The following PCNX2 variants were observed in gnomAD, a reference collection of about 807,000 sequenced individuals.
PCNX2 encodes the protein pecanex-like protein 2.
A neutral mutation model predicts 223.8 loss-of-function variants in PCNX2; 168 were observed. The observed-to-expected ratio is 0.75, with a 90% CI of 0.66 to 0.85. The LOEUF is 0.85. Ranked by LOEUF, PCNX2 falls within the 40% of genes least tolerant of loss-of-function variation. The pLI, the probability that PCNX2 is intolerant of heterozygous loss-of-function variation, is 0.00. For missense variants in PCNX2, 2,507 were observed against 2,675.5 expected, an observed-to-expected ratio of 0.94 and a Z score of 1.39; for synonymous variants, 1,006 against 1,052.6, an observed-to-expected ratio of 0.96 and a Z score of 0.86.
At position 232,999,371 on chromosome 1, in the gene PCNX2, T is replaced by A; in HGVS notation, c.5337A>T (p.Lys1779Asn). Residue 1779 changes from lysine to asparagine, a missense_variant, in exon 31 of 34, where the codon AAA (lysine) becomes AAT (asparagine). By Grantham distance (94) the Lys-to-Asn change is moderately conservative (BLOSUM62 0). Around this residue, in one of 3 missense-constraint regions of PCNX2, gnomAD observed 1,372 missense variants for 1,509.4 expected, o/e 0.91. Coordinates refer to ENST00000258229, the MANE Select transcript of PCNX2 (RefSeq NM_014801.4). The stretch of plus-strand genomic sequence containing the variant: ...CGGCCCAAAGTCCTCGGACGCATTC[T>A]TTGTTAACCTGCAGGTCAGAGAGGG... ...FLSFKVIKVNKECVRGLWAGQ... is the reference protein window; with the variant it reads ...FLSFKVIKVNNECVRGLWAGQ... 1 of 1,593,120 alleles carries A rather than the reference T, an allele frequency of 6.3e-7. No homozygotes were observed. The highest frequency in any genetic ancestry group is 8.5e-7 in the Non-Finnish European group (1 of 1,169,902).
chr1:233,196,428 C>T (rs200914238), intron 15 of PCNX2, among the ~76,000 whole-genome samples: 1 of 151,258 alleles, frequency 6.6e-6, no homozygotes, highest in East Asian at 1.9e-4. Flanking sequence ...AATGAGAAGA[C>T]AAGCCACAGC....
chr1:233,251,093 C>T (rs556254801), intron 7 of PCNX2, among the ~76,000 whole-genome samples: 1 of 152,172 alleles, frequency 6.6e-6, no homozygotes, highest in African/African-American at 2.4e-5. Flanking sequence ...GACTTGGTTA[C>T]TTATTATTTA....
chr1:233,080,044 T>C (rs1237712493), intron 23 of PCNX2, among the ~76,000 whole-genome samples: 1 of 152,140 alleles, frequency 6.6e-6, no homozygotes, highest in African/African-American at 2.4e-5. Context: ...CTAATGTAAG[T>C]CTTCCCAGAG....
the PCNX2 span, among the ~76,000 whole-genome samples, chr1:233,320,033 T>TCAACGTGTTGCAATATATTG: frequency 2.0e-5 from 3 of 152,200 alleles, no homozygotes. Flanking sequence ...GTTTCTGCAT[T>TCAACGTGTTGCAATATATTG]CAACGTGTTG....
chr1:233,062,103 G>T (rs1375643263), intron 23 of PCNX2, among the ~76,000 whole-genome samples: 2 of 152,048 alleles, frequency 1.3e-5, no homozygotes, highest in African/African-American at 4.8e-5. Context: ...GCCCTCACTG[G>T]GGAAAATTGG....
intron 10 of PCNX2, among the ~76,000 whole-genome samples, chr1:233,225,824 C>A (rs1442204356): frequency 6.6e-6 from 1 of 152,156 alleles, no homozygotes; most frequent in African/African-American, 2.4e-5. Context: ...CCAGAATATA[C>A]TATCTTGGAT....
In PCNX2 at chr1:233,120,892, A is replaced by G. The variant is rs149062421; in HGVS notation, c.3837+14121T>C. On this transcript the variant is annotated intron_variant, in intron 21 of 33. Transcript: ENST00000258229. ...TTTTTTTAAAAAAGAACCAACTACT[A>G]ACTATAAGTTTGATACAAAGAAACT... 9.9e-5 allele frequency among the ~76,000 whole-genome samples: 15 copies of G among 152,256 alleles called. No homozygotes were observed. In the East Asian group the frequency reaches 2.5e-3, roughly 25 times the overall value.
intron 19 of PCNX2, among the ~76,000 whole-genome samples, chr1:233,146,635 G>C (rs1209985724): frequency 6.6e-6 from 1 of 152,140 alleles, no homozygotes; most frequent in Non-Finnish European, 1.5e-5. Context: ...AATTCAGAGA[G>C]ACATGACAAC....
intron 17 of PCNX2, among the ~76,000 whole-genome samples, chr1:233,166,180 AAAAT>A (rs1253505310): frequency 1.6e-4 from 24 of 151,884 alleles, no homozygotes; most frequent in African/African-American, 4.8e-4. Context: ...GCCAACTATA[AAAAT>A]AAATAAATAA....
chr1:233,296,243 C>A (rs1017365487), upstream of PCNX2, among the ~76,000 whole-genome samples: 1 of 152,158 alleles, frequency 6.6e-6, no homozygotes, highest in Non-Finnish European at 1.5e-5. Flanking sequence ...TGACCCCAGA[C>A]GTTCTATTAA....
chr1:233,295,839 T>C (rs1662066965), upstream of PCNX2: 1 of 243,084 alleles, frequency 4.1e-6, no homozygotes, highest in African/African-American at 2.3e-5. The surrounding 1 kb of genome is among the most constrained non-coding windows in gnomAD (Gnocchi z 4.1). Context: ...AGGATTTCTG[T>C]GAGTGCCTCC....
intron 24 of PCNX2, among the ~76,000 whole-genome samples, chr1:233,056,811 A>T (rs1231127726): frequency 6.6e-6 from 1 of 152,212 alleles, no homozygotes; most frequent in East Asian, 1.9e-4. Context: ...ACATCCTTTC[A>T]TAGCTTAATG....
intron 32 of PCNX2, among the ~76,000 whole-genome samples, chr1:232,993,634 T>C (rs939589781): frequency 1.3e-5 from 2 of 152,218 alleles, no homozygotes; most frequent in Non-Finnish European, 2.9e-5. Flanking sequence ...AGGAGCAGAA[T>C]GTTAGTAGCC....
At chr1:233,211,277 G>T (rs1681802465) in intron 12 of PCNX2, among the ~76,000 whole-genome samples, 1 of 151,930 alleles carries the variant, frequency 6.6e-6, no homozygotes, top group African/African-American at 2.4e-5. Context: ...TGGGACAGAA[G>T]AGAGCCCCTG....
intron 28 of PCNX2, among the ~76,000 whole-genome samples, chr1:233,004,173 C>A (rs2102801717): frequency 6.6e-6 from 1 of 152,006 alleles, no homozygotes; most frequent in South Asian, 2.1e-4. Flanking sequence ...CATTGTCTTT[C>A]ATATTTGGCC....
chr1:233,090,768 C>T (rs193001882), intron 22 of PCNX2, among the ~76,000 whole-genome samples: 80 of 152,262 alleles, frequency 5.3e-4, no homozygotes, highest in African/African-American at 1.9e-3. Context: ...ACACCACATG[C>T]ACATGAAGTA....
At position 233,161,361 on chromosome 1, in the gene PCNX2, C is replaced by A; in HGVS notation, c.3276G>T (p.Thr1092=). 1 of 1,613,488 alleles carries A rather than the reference C, an allele frequency of 6.2e-7. No individual in the cohort carries two copies. Among genetic ancestry groups the A allele is most frequent in the Non-Finnish European group, 8.5e-7 (1 of 1,179,654 alleles). Residue 1092 remains threonine (T), a splice_region_variant and synonymous_variant, in exon 18 of 34, where the codon ACG becomes ACT. Coordinates refer to ENST00000258229, the MANE Select transcript of PCNX2 (RefSeq NM_014801.4). ...PLPKKMKDSV[T]DVLKWDLIVC... ...CGATGAGATCCCATTTTAAGACATC[C>A]GTCTGGAAAGAGAAAACCAGCGGTA...
intron 8 of PCNX2, 25 bp from the exon 9 acceptor site, chr1:233,237,005 T>A (rs1289891022): frequency 1.2e-6 from 2 of 1,613,146 alleles, no homozygotes; most frequent in African/African-American, 1.3e-5. Flanking sequence ...AACAAAAGCT[T>A]TGGTTACCTG....
Position 233,169,572 on chromosome 1 carries a change from G to A in PCNX2, c.3274-8209C>T, listed in dbSNP as rs10910669. Among the ~76,000 whole-genome samples, 597 of 149,700 alleles carry A rather than the reference G, an allele frequency of 4.0e-3. 2 individuals carry two copies. The highest frequency in any genetic ancestry group is 0.014 in the African/African-American group (554 of 40,718). ...AGGCAGGAGAATGGCGTGAACCCGG[G>A]AGGCGGAGCTTGCAGTGAGTCGAGA... On this transcript the variant is annotated intron_variant, in intron 17 of 33. Transcript: ENST00000258229.
Sources: gnomAD v4.1 joint callset for allele counts (sites outside exome capture counted in the v4.1 genomes callset) on GRCh38, gnomAD v4.1.1 for gene constraint, gnomAD v4.1.1 regional missense constraint, Gnocchi (gnomAD v3.1) non-coding constraint, MANE v1.5 for transcripts, NCBI Gene and HGNC (gene_info 2026-07-23, HGNC 2026-07-21) for gene names.